Variants in PPFIA2 observed in about 807,000 individuals in gnomAD.
PPFIA2 encodes liprin-alpha-2.
PPFIA2 carries 46 observed loss-of-function variants against 175.5 expected under a neutral mutation model. The observed-to-expected ratio is 0.26, with a 90% confidence interval of 0.21 to 0.34. PPFIA2 has a LOEUF of 0.34. PPFIA2 is among the 10% of genes least tolerant of loss of function. The pLI, the probability that PPFIA2 is intolerant of heterozygous loss-of-function variation, is 1.00. For missense variants in PPFIA2, 1,179 were observed against 1,506.1 expected (o/e 0.78, Z 3.60); for synonymous variants, 568 against 511.4 (o/e 1.11, Z -1.49).
At chr12:81,538,388 T>C (rs1326882361) in intron 4 of PPFIA2, among the ~76,000 whole-genome samples, 1 of 151,912 alleles carries the variant, frequency 6.6e-6, no homozygotes, top group Admixed American at 6.6e-5. Context: ...TATTATTATA[T>C]AAAACATAAT....
chr12:81,523,666 CA>C (rs1423217540), intron 4 of PPFIA2, among the ~76,000 whole-genome samples: 3 of 152,052 alleles, frequency 2.0e-5, no homozygotes, highest in Non-Finnish European at 4.4e-5. Flanking sequence ...GGTATCTGTA[CA>C]CTGTGCTGCC....
intron 4 of PPFIA2, among the ~76,000 whole-genome samples, chr12:81,498,596 A>G (rs552726369): frequency 6.6e-6 from 1 of 152,186 alleles, no homozygotes; most frequent in South Asian, 2.1e-4. Context: ...TGGGGATTTT[A>G]TTTAACTTAT....
At chr12:81,306,491 T>C (rs1037571428) in intron 22 of PPFIA2, among the ~76,000 whole-genome samples, 2 of 151,704 alleles carry the variant, frequency 1.3e-5, no homozygotes, top group African/African-American at 4.8e-5. Flanking sequence ...GGTCAATAAA[T>C]GTGAGCTTCT....
chr12:81,394,163 ACAAT>A (rs776383682), intron 8 of PPFIA2, among the ~76,000 whole-genome samples: 3 of 152,036 alleles, frequency 2.0e-5, no homozygotes, highest in South Asian at 4.1e-4. Flanking sequence ...ACAAAAACAA[ACAAT>A]CAAACAAAAA....
chr12:81,649,492 C>A (rs1003533799), intron 4 of PPFIA2, among the ~76,000 whole-genome samples: 1 of 152,178 alleles, frequency 6.6e-6, no homozygotes, highest in Non-Finnish European at 1.5e-5. Flanking sequence ...TTCATTTTGG[C>A]AAATGTATGC....
chr12:81,436,914 C>T (rs139005374), intron 7 of PPFIA2, among the ~76,000 whole-genome samples: 1,656 of 152,100 alleles, frequency 0.011, 13 homozygotes, highest in Non-Finnish European at 0.018. Flanking sequence ...ATAATGAGCA[C>T]GATAATTACT....
At chr12:81,566,361 AG>A (rs2071282082) in intron 4 of PPFIA2, among the ~76,000 whole-genome samples, 1 of 151,884 alleles carries the variant, frequency 6.6e-6, no homozygotes, top group Admixed American at 6.6e-5. Flanking sequence ...ATCTGTACTA[AG>A]AAAATACAAA....
At chr12:81,311,521 C>T (rs1268532209) in intron 22 of PPFIA2, among the ~76,000 whole-genome samples, 1 of 151,896 alleles carries the variant, frequency 6.6e-6, no homozygotes, top group Non-Finnish European at 1.5e-5. Context: ...ATCATGAGGT[C>T]AGGAGATCGA....
rs562211175 is a variant in PPFIA2, at chr12:81,569,698, A to G, written c.303+107093T>C. 1.4e-4 allele frequency among the ~76,000 whole-genome samples: 22 copies of G among 152,328 alleles called. No individual in the cohort carries two copies. The South Asian group carries it at 2.1e-3, about 14-fold the overall frequency. ...CATTGTCATTGTGGAATTAGGAAAGAACTATATAATAATACCAATAGCTTC... is the reference window on the plus strand; with the variant it reads ...CATTGTCATTGTGGAATTAGGAAAGGACTATATAATAATACCAATAGCTTC... On this transcript the variant is annotated intron_variant, in intron 4 of 32. Transcript: ENST00000549396.
chr12:81,615,001 G>C (rs973296943), intron 4 of PPFIA2, among the ~76,000 whole-genome samples: 3 of 152,114 alleles, frequency 2.0e-5, no homozygotes, highest in African/African-American at 7.2e-5. Flanking sequence ...TCTTGGTACT[G>C]CTTTGTGTGA....
chr12:81,582,774 C>T (rs2074607491), intron 4 of PPFIA2, among the ~76,000 whole-genome samples: 1 of 151,754 alleles, frequency 6.6e-6, no homozygotes, highest in African/African-American at 2.4e-5. Context: ...AACATCTATT[C>T]ACTTCACATA....
intron 4 of PPFIA2, among the ~76,000 whole-genome samples, chr12:81,649,623 T>G (rs1252653090): frequency 6.6e-6 from 1 of 152,162 alleles, no homozygotes; most frequent in Non-Finnish European, 1.5e-5. Flanking sequence ...TCATAATATC[T>G]GAAAATTAGA....
chr12:81,324,864 G>C (rs1254756760), intron 22 of PPFIA2, among the ~76,000 whole-genome samples: 2 of 151,922 alleles, frequency 1.3e-5, no homozygotes, highest in African/African-American at 4.8e-5. Flanking sequence ...TTAGGTTAGT[G>C]AGTTGTTCTG....
At chr12:81,608,186 T>C (rs1005903053) in intron 4 of PPFIA2, among the ~76,000 whole-genome samples, 8 of 152,124 alleles carry the variant, frequency 5.3e-5, no homozygotes, top group African/African-American at 1.9e-4. Context: ...TGCTGTTGAA[T>C]TCTGTTTTAT....
At chr12:81,493,937 G>C (rs1250261817) in intron 4 of PPFIA2, among the ~76,000 whole-genome samples, 2 of 151,448 alleles carry the variant, frequency 1.3e-5, no homozygotes, top group East Asian at 3.9e-4. Context: ...AGAAATTTCA[G>C]AAAAAGCAAA....
intron 4 of PPFIA2, among the ~76,000 whole-genome samples, chr12:81,672,670 A>G (rs1393964972): frequency 1.3e-5 from 2 of 152,080 alleles, no homozygotes; most frequent in African/African-American, 4.8e-5. Flanking sequence ...AGCAAAATGT[A>G]TAGATCTTAT....
intron 6 of PPFIA2, among the ~76,000 whole-genome samples, chr12:81,440,829 T>C (rs2050049692): frequency 6.7e-6 from 1 of 149,862 alleles, no homozygotes; most frequent in East Asian, 1.9e-4. Context: ...TATATATATA[T>C]ATATAAAACA....
At chr12:81,376,260 A>C (rs1595787897) in intron 9 of PPFIA2, among the ~76,000 whole-genome samples, 2 of 152,206 alleles carry the variant, frequency 1.3e-5, no homozygotes, top group Admixed American at 6.5e-5. Context: ...ATGCAGTAAA[A>C]TTAAGTACAA....
chr12:81,277,445 A>C, intron 27 of PPFIA2, 31 bp from the exon 28 acceptor site: 1 of 1,479,262 alleles, frequency 6.8e-7, no homozygotes, highest in Non-Finnish European at 8.9e-7. Context: ...AAAAAAACAC[A>C]GTGAGTCTAC....
Sources: gnomAD v4.1 joint callset for allele counts (sites outside exome capture counted in the v4.1 genomes callset) on GRCh38, gnomAD v4.1.1 for gene constraint, MANE v1.5 for transcripts, NCBI Gene and HGNC (gene_info 2026-07-23, HGNC 2026-07-21) for gene names.